Variants in PCCA observed in about 807,000 individuals in gnomAD.
PCCA encodes the protein propionyl-CoA carboxylase subunit alpha, also known as propionyl-CoA carboxylase alpha chain, mitochondrial.
In PCCA, 74 loss-of-function variants were observed where a neutral mutation model predicts 101.3. That is an observed-to-expected ratio of 0.73 (90% CI 0.61 to 0.89). The LOEUF (loss-of-function observed/expected upper bound fraction) is 0.89, where lower values mean the gene tolerates loss of function less well. PCCA is among the 40% of genes least tolerant of loss of function. PCCA has a pLI of 0.00. For missense variants in PCCA, 891 were observed against 907.0 expected, an observed-to-expected ratio of 0.98 and a Z score of 0.23; for synonymous variants, 294 against 313.6, an observed-to-expected ratio of 0.94 and a Z score of 0.66.
chr13:100,102,290 C>T (rs772529751), intron 1 of PCCA, among the ~76,000 whole-genome samples: 1 of 152,052 alleles, frequency 6.6e-6, no homozygotes, highest in East Asian at 1.9e-4. Flanking sequence ...CCAGGCTGTA[C>T]CACCGTGCCT....
chr13:100,313,334 A>T (rs959954495), intron 16 of PCCA, among the ~76,000 whole-genome samples: 11 of 152,342 alleles, frequency 7.2e-5, no homozygotes, highest in African/African-American at 1.9e-4. Flanking sequence ...GCAATAGAGA[A>T]AGAGTTTAAT....
chr13:100,298,387 C>G (rs1485846756), intron 12 of PCCA, among the ~76,000 whole-genome samples: 1 of 151,990 alleles, frequency 6.6e-6, no homozygotes, highest in Non-Finnish European at 1.5e-5. Flanking sequence ...TGAGATTAAC[C>G]CGGTGTTTCC....
chr13:100,105,657 C>CAA (rs34277733), intron 2 of PCCA, among the ~76,000 whole-genome samples: 948 of 75,738 alleles, frequency 0.013, 10 homozygotes, highest in Non-Finnish European at 0.02. Context: ...CTGTCTCTAC[C>CAA]AAAAAAAAAA....
At chr13:100,207,211 T>C (rs4771357) in intron 6 of PCCA, among the ~76,000 whole-genome samples, 48,731 of 151,872 alleles carry the variant, frequency 0.32, 8,671 homozygotes, top group East Asian at 0.71. Flanking sequence ...AACTTAAAAG[T>C]CAGATATTAT....
At position 100,245,505 on chromosome 13, in the gene PCCA, T is replaced by C. The variant is rs549192153; in HGVS notation, c.637+9627T>C. Among the ~76,000 whole-genome samples the C allele has an allele frequency of 2.0e-5, 3 of 152,288 alleles. No individual in the cohort carries two copies. In the South Asian group the frequency reaches 6.2e-4, roughly 32 times the overall value. ...ATTCTGTGTGTTCAATTCTCATTCG[T>C]CAGGTTGTAGGGTGAGAAGGAGGCA... On this transcript the variant is annotated intron_variant, in intron 8 of 23. Coordinates refer to ENST00000376285, the MANE Select transcript of PCCA (RefSeq NM_000282.4).
intron 7 of PCCA, among the ~76,000 whole-genome samples, chr13:100,211,926 G>A (rs1338571271): frequency 6.6e-6 from 1 of 152,044 alleles, no homozygotes; most frequent in African/African-American, 2.4e-5. Context: ...ATTTTGTAGA[G>A]ACGGGGGTCT....
intron 6 of PCCA, among the ~76,000 whole-genome samples, chr13:100,192,444 G>C (rs889548611): frequency 3.3e-5 from 5 of 152,192 alleles, no homozygotes; most frequent in Non-Finnish European, 7.3e-5. Context: ...ACTGTGTTAA[G>C]CAGACATCAA....
intron 12 of PCCA, among the ~76,000 whole-genome samples, chr13:100,289,186 G>A (rs930771230): frequency 1.3e-5 from 2 of 152,044 alleles, no homozygotes; most frequent in Non-Finnish European, 2.9e-5. Flanking sequence ...TGTTTATCTT[G>A]TTTAAATGTT....
At chr13:100,156,744 C>T (rs1205112830) in intron 5 of PCCA, among the ~76,000 whole-genome samples, 4 of 152,128 alleles carry the variant, frequency 2.6e-5, no homozygotes, top group Admixed American at 6.5e-5. Context: ...TGGTAGTTGC[C>T]GAGTATTATT....
chr13:100,210,889 C>T (rs1035780789), intron 7 of PCCA, among the ~76,000 whole-genome samples: 1 of 152,192 alleles, frequency 6.6e-6, no homozygotes, highest in Non-Finnish European at 1.5e-5. Flanking sequence ...CCTGCATTTA[C>T]TTTTATCTAT....
chr13:100,327,632 C>T (rs550783687), intron 16 of PCCA, among the ~76,000 whole-genome samples: 1 of 152,286 alleles, frequency 6.6e-6, no homozygotes, highest in South Asian at 2.1e-4. Context: ...TTTAACTTTT[C>T]CAGAAACTGC....
rs181901082 is a variant in PCCA, at chr13:100,380,905, C to G, written c.1746+12331C>G. ...TTACAACTTAACAATAAAAAACAGCCCACTCTAAAAATAGGCAAAAGATCT... is the reference window on the plus strand; with the variant it reads ...TTACAACTTAACAATAAAAAACAGCGCACTCTAAAAATAGGCAAAAGATCT... On this transcript the variant is annotated intron_variant, in intron 19 of 23. Coordinates refer to ENST00000376285, the MANE Select transcript of PCCA (RefSeq NM_000282.4). Among the ~76,000 whole-genome samples, 18 of 152,150 alleles carry G rather than the reference C, an allele frequency of 1.2e-4. No homozygotes were observed. In the East Asian group the frequency reaches 3.3e-3, roughly 28 times the overall value.
intron 11 of PCCA, among the ~76,000 whole-genome samples, chr13:100,271,543 G>A (rs1383967583): frequency 6.6e-6 from 1 of 152,162 alleles, no homozygotes; most frequent in African/African-American, 2.4e-5. Context: ...AAAATGACCA[G>A]ATCCTTGGCC....
intron 12 of PCCA, among the ~76,000 whole-genome samples, chr13:100,299,960 C>T (rs968551221): frequency 1.3e-5 from 2 of 152,310 alleles, no homozygotes; most frequent in Non-Finnish European, 2.9e-5. Flanking sequence ...GTGATTTGCC[C>T]GTCTTGGCCT....
chr13:100,162,013 C>A (rs576564036), intron 6 of PCCA, among the ~76,000 whole-genome samples: 8 of 151,806 alleles, frequency 5.3e-5, no homozygotes, highest in African/African-American at 7.3e-5. Flanking sequence ...TTTGAACCTT[C>A]GAAACAAGAC....
chr13:100,186,547 C>G (rs1170606106), intron 6 of PCCA, among the ~76,000 whole-genome samples: 1 of 151,692 alleles, frequency 6.6e-6, no homozygotes, highest in Admixed American at 6.6e-5. Context: ...TTTGAGACCT[C>G]CCTGGGCAAA....
At chr13:100,167,969 C>G (rs955540330) in intron 6 of PCCA, among the ~76,000 whole-genome samples, 1 of 152,182 alleles carries the variant, frequency 6.6e-6, no homozygotes, top group African/African-American at 2.4e-5. Context: ...TCCACACCCC[C>G]TTTCATTTAC....
chr13:100,508,140 G>A (rs564529438), intron 21 of PCCA, among the ~76,000 whole-genome samples: 7 of 151,704 alleles, frequency 4.6e-5, no homozygotes, highest in South Asian at 4.2e-4. Context: ...ATCATCTTTC[G>A]GAAGCAAGCC....
In PCCA at chr13:100,220,067, G is replaced by C. The variant is rs1594785136; in HGVS notation, c.600+10604G>C. ...AGGCTGTTCACAAGAAGTGAGGAAG[G>C]AGCTGGGGTCACAACTACTTGAGGG... On this transcript the variant is annotated intron_variant, in intron 7 of 23. Coordinates refer to ENST00000376285, the MANE Select transcript of PCCA (RefSeq NM_000282.4). 2.6e-5 allele frequency among the ~76,000 whole-genome samples: 4 copies of C among 152,196 alleles called. 1 individual carries two copies. Among genetic ancestry groups the C allele is most frequent in the Admixed American group, 2.6e-4 (4 of 15,284 alleles).
Sources: allele counts gnomAD v4.1 joint callset (sites outside exome capture counted in the v4.1 genomes callset), GRCh38; gene constraint gnomAD v4.1.1; transcripts MANE v1.5; gene names NCBI Gene and HGNC (gene_info 2026-07-23, HGNC 2026-07-21).